Variants in SLC3A1 observed in about 807,000 individuals in gnomAD.
SLC3A1 encodes amino acid transporter heavy chain SLC3A1.
Under a neutral mutation model 60.3 loss-of-function variants are expected in SLC3A1, and 78 were observed. The observed-to-expected ratio is 1.29, with a 90% CI of 1.08 to 1.56. The LOEUF (loss-of-function observed/expected upper bound fraction) is 1.56. Among genes scored for constraint, SLC3A1 ranks in the 40% most tolerant of loss-of-function variants. The pLI is 0.00. For missense variants in SLC3A1, 1,172 were observed against 858.9 expected (o/e 1.36, Z -4.56); for synonymous variants, 392 against 307.9 (o/e 1.27, Z -2.86).
chr2:44,304,583 T>C (rs1672104989), intron 7 of SLC3A1, among the ~76,000 whole-genome samples: 3 of 152,158 alleles, frequency 2.0e-5, no homozygotes, highest in African/African-American at 7.2e-5. Flanking sequence ...GCTAGGCTTT[T>C]TGGGGATGGA....
chr2:44,295,097 A>C (rs1160218899), intron 4 of SLC3A1, among the ~76,000 whole-genome samples: 1 of 152,162 alleles, frequency 6.6e-6, no homozygotes, highest in Non-Finnish European at 1.5e-5. Flanking sequence ...GCTTTTCCCA[A>C]ACATGGGTTT....
chr2:44,312,476 A>AGGT (rs1672322397), intron 7 of SLC3A1, 110 bp from the exon 8 acceptor site: 2 of 1,156,350 alleles, frequency 1.7e-6, no homozygotes, highest in Non-Finnish European at 2.6e-6. Flanking sequence ...GCTAGTACCA[A>AGGT]GGTACCACAT....
chr2:44,293,546 C>T (rs765476361), intron 4 of SLC3A1, among the ~76,000 whole-genome samples: 5 of 151,788 alleles, frequency 3.3e-5, no homozygotes, highest in African/African-American at 7.3e-5. Flanking sequence ...TATAAGGACA[C>T]GGAGCTCAGG....
chr2:44,321,718 G>C (rs780814861), downstream of SLC3A1: 12 of 1,597,100 alleles, frequency 7.5e-6, no homozygotes, highest in South Asian at 2.2e-5. Context: ...CCATAGATAG[G>C]ACATTTGTGA....
downstream of SLC3A1, chr2:44,321,625 T>G (rs865886540): frequency 2.0e-6 from 3 of 1,485,064 alleles, no homozygotes; most frequent in African/African-American, 2.8e-5. Context: ...TTATTTTCTT[T>G]AACAGAGCTC....
At chr2:44,298,935 A>C (rs1376950271) in intron 4 of SLC3A1, among the ~76,000 whole-genome samples, 2 of 152,180 alleles carry the variant, frequency 1.3e-5, no homozygotes, top group East Asian at 1.9e-4. Context: ...CCAAAGAATA[A>C]AATTAAATGT....
At chr2:44,289,484 T>G (rs1558457407) in intron 4 of SLC3A1, among the ~76,000 whole-genome samples, 1 of 152,178 alleles carries the variant, frequency 6.6e-6, no homozygotes, top group Non-Finnish European at 1.5e-5. Flanking sequence ...GTGCTGGGAT[T>G]ATAGGCATGA....
In SLC3A1 at chr2:44,280,733, G is replaced by T. The variant is rs145592469; in HGVS notation, c.448G>T (p.Asp150Tyr). 2 of 1,609,784 alleles carry T rather than the reference G, an allele frequency of 1.2e-6. No individual in the cohort carries two copies. The highest frequency in any genetic ancestry group is 1.1e-5 in the South Asian group (1 of 90,918). Residue 150 changes from aspartate to tyrosine, a missense_variant, in exon 2 of 10, where the codon GAC becomes TAC. Asp to Tyr is a radical substitution (Grantham distance 160). Coordinates refer to ENST00000260649, the MANE Select transcript of SLC3A1 (RefSeq NM_000341.4). ...TTCTTCAGGTATTCAAGATAAACTG[G>T]ACTACATCACAGCTTTAAATATAAA... ...GDLKGIQDKL[D>Y]YITALNIKTV...
chr2:44,293,273 C>T (rs1489722554), intron 4 of SLC3A1, among the ~76,000 whole-genome samples: 1 of 152,164 alleles, frequency 6.6e-6, no homozygotes, highest in East Asian at 1.9e-4. Flanking sequence ...AATCCCAGCA[C>T]TTTGGGAGGC....
chr2:44,288,187 C>T (rs1158260708), intron 4 of SLC3A1, among the ~76,000 whole-genome samples: 2 of 152,066 alleles, frequency 1.3e-5, no homozygotes, highest in African/African-American at 2.4e-5. Flanking sequence ...CCACCATGCC[C>T]GGCTAATTTT....
At chr2:44,283,523 T>A (rs184098559) in intron 3 of SLC3A1, among the ~76,000 whole-genome samples, 8 of 152,338 alleles carry the variant, frequency 5.3e-5, no homozygotes, top group Non-Finnish European at 1.5e-5. Context: ...GTTACTCAGC[T>A]AATAAATGAC....
At chr2:44,308,591 A>G (rs533818057) in intron 7 of SLC3A1, among the ~76,000 whole-genome samples, 6 of 152,242 alleles carry the variant, frequency 3.9e-5, no homozygotes, top group African/African-American at 1.4e-4. Context: ...TTGTAAACTG[A>G]AGTGTTTGCT....
chr2:44,306,993 G>A (rs186681604), intron 7 of SLC3A1, among the ~76,000 whole-genome samples: 13 of 152,226 alleles, frequency 8.5e-5, no homozygotes, highest in African/African-American at 2.9e-4. Flanking sequence ...AGCAATAACT[G>A]CGCATGGCCC....
chr2:44,306,531 T>C (rs935849843), intron 7 of SLC3A1, among the ~76,000 whole-genome samples: 5 of 150,264 alleles, frequency 3.3e-5, no homozygotes, highest in Non-Finnish European at 5.9e-5. Context: ...TGTCGAGATA[T>C]AATTCACATA....
intron 7 of SLC3A1, among the ~76,000 whole-genome samples, chr2:44,305,636 C>T (rs1278434524): frequency 6.6e-6 from 1 of 152,074 alleles, no homozygotes; most frequent in South Asian, 2.1e-4. Context: ...CCATGTTTGT[C>T]AGGCTGTTCT....
intron 7 of SLC3A1, among the ~76,000 whole-genome samples, chr2:44,308,151 A>G (rs1361715801): frequency 6.6e-6 from 1 of 152,196 alleles, no homozygotes; most frequent in Non-Finnish European, 1.5e-5. Context: ...ATGTAAAACA[A>G]AACAAAAAAA....
At chr2:44,300,156 C>T (rs765173225) in intron 5 of SLC3A1, 66 bp downstream of exon 5, 6 of 1,533,132 alleles carry the variant, frequency 3.9e-6, no homozygotes, top group Non-Finnish European at 4.5e-6. Flanking sequence ...TGTTTTCTTT[C>T]TCAGCCTGAG....
At chr2:44,309,822 C>T (rs1672249754) in intron 7 of SLC3A1, among the ~76,000 whole-genome samples, 1 of 152,202 alleles carries the variant, frequency 6.6e-6, no homozygotes, top group Non-Finnish European at 1.5e-5. Context: ...TGGTCTGGAA[C>T]TCCTGGCCTC....
At chr2:44,296,129 G>A (rs576582321) in intron 4 of SLC3A1, among the ~76,000 whole-genome samples, 15 of 152,142 alleles carry the variant, frequency 9.9e-5, no homozygotes, top group Non-Finnish European at 2.1e-4. Flanking sequence ...GCCTTTCTTT[G>A]CCCCACCAGA....
Sources: allele counts gnomAD v4.1 joint callset (sites outside exome capture counted in the v4.1 genomes callset), GRCh38; gene constraint gnomAD v4.1.1; transcripts MANE v1.5; gene names NCBI Gene and HGNC (gene_info 2026-07-23, HGNC 2026-07-21).